BTAF1: variants seen among roughly 807,000 people sequenced by gnomAD.
BTAF1 encodes TATA-binding protein-associated factor 172.
BTAF1 carries 38 observed loss-of-function variants against 227.1 expected under a neutral mutation model. The observed-to-expected ratio is 0.17, with a 90% CI of 0.13 to 0.22. The LOEUF (loss-of-function observed/expected upper bound fraction) is 0.22. Ranked by LOEUF, BTAF1 falls within the 10% of genes least tolerant of loss-of-function variation. BTAF1 has a pLI of 1.00. For synonymous variants in BTAF1, 742 were observed against 751.9 expected, an observed-to-expected ratio of 0.99 and a Z score of 0.21; for missense variants, 1,598 against 2,204.0, an observed-to-expected ratio of 0.73 and a Z score of 5.51.
chr10:92,029,524 C>T lies in BTAF1; in HGVS notation c.*591C>T, dbSNP rs751390744. 1 of 151,710 alleles carries T rather than the reference C, an allele frequency of 6.6e-6. No individual in the cohort carries two copies. Among genetic ancestry groups the T allele is most frequent in the Non-Finnish European group, 1.5e-5 (1 of 67,814 alleles). The allele number at this position is 151,710 out of a possible 1,614,324, so 9.4% of individuals were successfully genotyped here. A position where few individuals can be genotyped will look rare whatever the true frequency, so the allele number is the denominator to read the frequency against. ...TTTCAAATCTTTAACATCATTTTTT[C>T]AACTTTTAAGATATAATATCAACTA... On this transcript the variant is annotated 3_prime_UTR_variant, in exon 38 of 38. Coordinates refer to ENST00000265990, the MANE Select transcript of BTAF1 (RefSeq NM_003972.3).
rs202036729 is a variant in BTAF1, at chr10:91,985,294, G to GTT, written c.2427+891_2427+892dup. 6.6e-3 allele frequency among the ~76,000 whole-genome samples: 870 copies of GTT among 131,884 alleles called. 5 individuals carry two copies. The highest frequency in any genetic ancestry group is 0.021 in the African/African-American group (838 of 40,052). 86.5% of individuals were successfully genotyped at this position (131,884 alleles called of 152,430 possible). A position where few individuals can be genotyped will look rare whatever the true frequency, so the allele number is the denominator to read the frequency against. On this transcript the variant is annotated intron_variant, in intron 19 of 37. Coordinates refer to ENST00000265990, the MANE Select transcript of BTAF1 (RefSeq NM_003972.3). ...AATGGTATTTTTGAAACTAATCTGT[G>GTT]TTATATATATATATATCAATAACTT... is the stretch of plus-strand genomic sequence containing the variant.
At chr10:92,028,447 C>T (rs1851673452) in intron 37 of BTAF1, among the ~76,000 whole-genome samples, 1 of 152,120 alleles carries the variant, frequency 6.6e-6, no homozygotes, top group Admixed American at 6.5e-5. Flanking sequence ...GATAAAAGGA[C>T]ATGATGTCTA....
intron 13 of BTAF1, 134 bp from the exon 14 acceptor site, chr10:91,966,503 T>C: frequency 1.1e-6 from 1 of 871,992 alleles, no homozygotes; most frequent in Non-Finnish European, 1.7e-6. Context: ...AAAACTGTAT[T>C]ATCTTTTAAG....
At chr10:91,925,649 C>A (rs972850983) in intron 1 of BTAF1, among the ~76,000 whole-genome samples, 1 of 152,004 alleles carries the variant, frequency 6.6e-6, no homozygotes, top group African/African-American at 2.4e-5. Flanking sequence ...GTAGCTGGGA[C>A]CACAGGCACC....
At chr10:91,978,229 T>C (rs1847820571) in intron 14 of BTAF1, among the ~76,000 whole-genome samples, 1 of 152,202 alleles carries the variant, frequency 6.6e-6, no homozygotes, top group East Asian at 1.9e-4. Flanking sequence ...TAACGATGTT[T>C]GTAGCCTGAG....
intron 33 of BTAF1, among the ~76,000 whole-genome samples, chr10:92,017,560 G>T (rs77818226): frequency 0.045 from 6,897 of 152,164 alleles, 225 homozygotes; most frequent in Non-Finnish European, 0.07. Context: ...TTGTTGCCCA[G>T]GCTGGAGTGG....
intron 14 of BTAF1, among the ~76,000 whole-genome samples, chr10:91,979,418 A>C (rs1227400147): frequency 6.6e-6 from 1 of 152,150 alleles, no homozygotes; most frequent in Non-Finnish European, 1.5e-5. Flanking sequence ...ACTTGTTTCA[A>C]ACCATGTTGA....
intron 14 of BTAF1, among the ~76,000 whole-genome samples, chr10:91,969,980 G>A (rs1287499213): frequency 4.0e-5 from 6 of 150,832 alleles, no homozygotes; most frequent in South Asian, 2.1e-4. Flanking sequence ...AAAAAAATTC[G>A]CCTTCCAATT....
At chr10:91,940,234 A>T (rs76112361) in intron 3 of BTAF1, among the ~76,000 whole-genome samples, 168 bp downstream of exon 3, 1 of 141,852 alleles carries the variant, frequency 7.0e-6, no homozygotes, top group Non-Finnish European at 1.5e-5. Flanking sequence ...TCACCACATT[A>T]AAAAAAAAAA....
intron 8 of BTAF1, among the ~76,000 whole-genome samples, chr10:91,958,379 A>G (rs1302562665): frequency 6.6e-6 from 1 of 151,980 alleles, no homozygotes; most frequent in African/African-American, 2.4e-5. Flanking sequence ...TGATGCACAT[A>G]TTTTGAAAAT....
chr10:91,978,262 C>T (rs1847822516), intron 14 of BTAF1, among the ~76,000 whole-genome samples: 1 of 152,060 alleles, frequency 6.6e-6, no homozygotes, highest in African/African-American at 2.4e-5. Context: ...GTTTATATTA[C>T]ATGTATTGGT....
chr10:91,966,823 CT>C, intron 14 of BTAF1, 66 bp downstream of exon 14: 1 of 1,459,418 alleles, frequency 6.9e-7, no homozygotes, highest in Non-Finnish European at 9.3e-7. Context: ...TAAACCTGGT[CT>C]TTAGCTTACC....
rs1048210541 is a variant in BTAF1, at chr10:91,923,965, C to G, written c.-112C>G. Reference sequence around the variant, plus strand: ...CTGGAACGCCCCACGCCGCACCGGCCGCTCCCCTGTGCTCCGCGGCCTGGG... The same window carrying G: ...CTGGAACGCCCCACGCCGCACCGGCGGCTCCCCTGTGCTCCGCGGCCTGGG... On this transcript the variant is annotated 5_prime_UTR_variant, in exon 1 of 38. Coordinates refer to ENST00000265990, the MANE Select transcript of BTAF1 (RefSeq NM_003972.3). 11 of 1,353,128 alleles carry G rather than the reference C, an allele frequency of 8.1e-6. No individual in the cohort carries two copies. Among genetic ancestry groups the G allele is most frequent in the Admixed American group, 3.4e-5 (1 of 29,726 alleles). 83.8% of individuals were successfully genotyped at this position (1,353,128 alleles called of 1,614,324 possible). A position where few individuals can be genotyped will look rare whatever the true frequency, so the allele number is the denominator to read the frequency against.
intron 1 of BTAF1, among the ~76,000 whole-genome samples, chr10:91,928,563 T>C (rs1844026611): frequency 6.6e-6 from 1 of 152,156 alleles, no homozygotes; most frequent in Non-Finnish European, 1.5e-5. Context: ...AACAAATTAG[T>C]GTATGTTACA....
chr10:91,946,024 C>T (rs1845339996), intron 4 of BTAF1, among the ~76,000 whole-genome samples: 2 of 152,098 alleles, frequency 1.3e-5, no homozygotes, highest in Non-Finnish European at 2.9e-5. Flanking sequence ...AAATAATATT[C>T]CATTGTATGA....
In BTAF1 at chr10:91,923,901, G is replaced by A. The variant is rs956578004; in HGVS notation, c.-176G>A. On this transcript the variant is annotated 5_prime_UTR_variant, in exon 1 of 38. Transcript: ENST00000265990. The stretch of plus-strand genomic sequence containing the variant: ...TGCTTACCGGCCGCCGCGGGGACGA[G>A]CTCGGGTAGGCGGCAGGGCAGATGC... The A allele has an allele frequency of 2.9e-6, 2 of 701,220 alleles. No homozygotes were observed. The highest frequency in any genetic ancestry group is 4.2e-6 in the Non-Finnish European group (2 of 471,374). 43.4% of individuals were successfully genotyped at this position (701,220 alleles called of 1,614,324 possible).
intron 37 of BTAF1, 29 bp from the exon 38 acceptor site, chr10:92,028,761 T>TA: frequency 1.5e-6 from 2 of 1,350,554 alleles, no homozygotes; most frequent in South Asian, 1.4e-5. Flanking sequence ...CTCATTTTAT[T>TA]TTTTTTTTTT....
At chr10:92,028,300 A>G (rs902398319) in intron 37 of BTAF1, among the ~76,000 whole-genome samples, 1 of 152,200 alleles carries the variant, frequency 6.6e-6, no homozygotes, top group Non-Finnish European at 1.5e-5. Flanking sequence ...CACTATTTAG[A>G]CAATTGGCAG....
At chr10:91,926,505 C>T (rs1025645396) in intron 1 of BTAF1, among the ~76,000 whole-genome samples, 3 of 152,182 alleles carry the variant, frequency 2.0e-5, no homozygotes, top group Non-Finnish European at 4.4e-5. Flanking sequence ...TAATCTTTCT[C>T]CAGCTGATCA....
Sources: allele counts gnomAD v4.1 joint callset (sites outside exome capture counted in the v4.1 genomes callset), GRCh38; gene constraint gnomAD v4.1.1; transcripts MANE v1.5; gene names NCBI Gene and HGNC (gene_info 2026-07-23, HGNC 2026-07-21).